Variants in RASGRP3 observed in about 807,000 individuals in gnomAD.
The protein encoded by RASGRP3 is RAS guanyl releasing protein 3, also known as ras guanyl-releasing protein 3.
Under a neutral mutation model 82.7 loss-of-function variants are expected in RASGRP3, and 54 were observed. That is an observed-to-expected ratio of 0.65 (90% CI 0.52 to 0.82). The LOEUF (loss-of-function observed/expected upper bound fraction) is 0.82. Among genes scored for constraint, RASGRP3 ranks in the 40% least tolerant of loss-of-function variants. RASGRP3 has a pLI of 0.00. For synonymous variants in RASGRP3, 309 were observed against 300.5 expected (o/e 1.03, Z -0.29); for missense variants, 861 against 828.9 (o/e 1.04, Z -0.48).
At chr2:33,440,179 A>G (rs1665149847) in intron 1 of RASGRP3, among the ~76,000 whole-genome samples, 1 of 152,176 alleles carries the variant, frequency 6.6e-6, no homozygotes, top group Non-Finnish European at 1.5e-5. Context: ...TAGTAAGCGA[A>G]CAGCTGAGAA....
At chr2:33,547,619 T>C (rs1266689914) in intron 13 of RASGRP3, among the ~76,000 whole-genome samples, 2 of 151,984 alleles carry the variant, frequency 1.3e-5, no homozygotes, top group African/African-American at 2.4e-5. Context: ...AAAGATGCAG[T>C]GCAAAAATTC....
chr2:33,498,291 A>G (rs1046658602), intron 1 of RASGRP3, among the ~76,000 whole-genome samples: 2 of 152,230 alleles, frequency 1.3e-5, no homozygotes, highest in Non-Finnish European at 2.9e-5. Flanking sequence ...TCTATCATAC[A>G]GTTAAAGATA....
chr2:33,510,585 A>G (rs959921011), intron 1 of RASGRP3, among the ~76,000 whole-genome samples: 2 of 152,146 alleles, frequency 1.3e-5, no homozygotes, highest in Admixed American at 6.5e-5. Flanking sequence ...GCTTCTACAA[A>G]TTGGTCCTCT....
intron 1 of RASGRP3, 51 bp downstream of exon 1, chr2:33,476,758 C>CGTGTGTGTGCGTGT: frequency 7.1e-6 from 1 of 140,258 alleles, no homozygotes; most frequent in African/African-American, 2.8e-5. Flanking sequence ...ATTCCCTCTC[C>CGTGTGTGTGCGTGT]GTGTGTGTGT....
intron 1 of RASGRP3, among the ~76,000 whole-genome samples, chr2:33,494,682 C>A (rs534330664): frequency 1.3e-5 from 2 of 152,184 alleles, no homozygotes; most frequent in Admixed American, 6.5e-5. Flanking sequence ...CTCAGGTAGC[C>A]CAACGTACAT....
chr2:33,470,464 C>T (rs537388900), intron 2 of RASGRP3, among the ~76,000 whole-genome samples: 4 of 151,588 alleles, frequency 2.6e-5, no homozygotes, highest in Non-Finnish European at 4.4e-5. Context: ...ACTGCAAGCT[C>T]CGCCTGACGG....
intron 16 of RASGRP3, 147 bp from the exon 17 acceptor site, chr2:33,558,525 T>C: frequency 1.8e-6 from 2 of 1,122,148 alleles, no homozygotes; most frequent in East Asian, 2.6e-5. Context: ...CTCAGGAATA[T>C]GTAACTTGCC....
chr2:33,553,761 T>C (rs1185870750), intron 14 of RASGRP3, among the ~76,000 whole-genome samples: 1 of 152,138 alleles, frequency 6.6e-6, no homozygotes, highest in East Asian at 1.9e-4. Flanking sequence ...TTATTATTTT[T>C]TCTTTGAGAT....
In RASGRP3 at chr2:33,438,416, G is replaced by A. The variant is rs1204987515; in HGVS notation, c.-385+1825G>A. On this transcript the variant is annotated intron_variant, in intron 1 of 18. Transcript: ENST00000402538. Reference sequence around the variant, plus strand: ...CGTCTCTACTAAATATACAAAATTAGCTGGGCGTGGTGGCACATGCCTGTA... The same window carrying A: ...CGTCTCTACTAAATATACAAAATTAACTGGGCGTGGTGGCACATGCCTGTA... Among the ~76,000 whole-genome samples the A allele has an allele frequency of 3.3e-5, 5 of 152,238 alleles. No individual in the cohort carries two copies. In the East Asian group the frequency reaches 5.8e-4, roughly 18 times the overall value.
intron 1 of RASGRP3, among the ~76,000 whole-genome samples, chr2:33,505,135 C>CCATCATCAT (rs762191069): frequency 6.7e-6 from 1 of 148,548 alleles, no homozygotes; most frequent in Non-Finnish European, 1.5e-5. Context: ...CATATCATCA[C>CCATCATCAT]CATCATCATC....
chr2:33,562,671 C>A, intron 17 of RASGRP3, 58 bp from the exon 18 acceptor site: 1 of 1,584,078 alleles, frequency 6.3e-7, no homozygotes, highest in Non-Finnish European at 8.7e-7. Context: ...TTTCTAGGAA[C>A]ACTCTTATTT....
chr2:33,563,434 C>G lies in RASGRP3; in HGVS notation c.*697C>G, dbSNP rs1005361108. The stretch of plus-strand genomic sequence containing the variant: ...CACAAGTCTTACCAATTCTGCGTCA[C>G]TAGGAAGCTATAGCATGGTCGTGAA... On this transcript the variant is annotated 3_prime_UTR_variant, in exon 18 of 18. Transcript: ENST00000403687. 3 of 152,200 alleles carry G rather than the reference C, an allele frequency of 2.0e-5. No individual in the cohort carries two copies. The highest frequency in any genetic ancestry group is 6.5e-5 in the Admixed American group (1 of 15,288). The allele number at this position is 152,200 out of a possible 1,614,324, so 9.4% of individuals were successfully genotyped here. A position where few individuals can be genotyped will look rare whatever the true frequency, so the allele number is the denominator to read the frequency against.
rs150049943 is a variant in RASGRP3 at position 33,523,450 on chromosome 2, C to T, written c.517-429C>T. ...ACTGCACTCCAGCCTGGCAATAGAG[C>T]GACAGTCGGTTAAAAAAAAAAAAAA... is the stretch of plus-strand genomic sequence containing the variant. On this transcript the variant is annotated intron_variant, in intron 7 of 17. Transcript: ENST00000403687. Among the ~76,000 whole-genome samples the T allele has an allele frequency of 9.1e-3, 1,217 of 134,354 alleles. 17 individuals carry two copies. Among genetic ancestry groups the T allele is most frequent in the African/African-American group, 0.033 (1,148 of 34,480 alleles). 88.1% of individuals were successfully genotyped at this position (134,354 alleles called of 152,430 possible).
Position 33,557,711 on chromosome 2 carries a change from A to G in RASGRP3, c.1580-500A>G, listed in dbSNP as rs558913690. Among the ~76,000 whole-genome samples, 30 of 115,584 alleles carry G rather than the reference A, an allele frequency of 2.6e-4. No homozygotes were observed. The East Asian group carries it at 5.9e-3, about 23-fold the overall frequency. 75.8% of individuals were successfully genotyped at this position (115,584 alleles called of 152,430 possible). ...GGCAATAGAGCGAGACTCCATCTCG[A>G]AAAAAAAAAAAAAAATCCAGACAAG... On this transcript the variant is annotated intron_variant, in intron 15 of 17. Transcript: ENST00000403687.
intron 17 of RASGRP3, among the ~76,000 whole-genome samples, chr2:33,560,470 G>A (rs1194028746): frequency 2.6e-5 from 4 of 152,238 alleles, no homozygotes; most frequent in African/African-American, 7.2e-5. Context: ...GGGTGTTCAT[G>A]ACAGTACTTT....
chr2:33,462,229 A>C (rs939070738), intron 2 of RASGRP3, among the ~76,000 whole-genome samples: 16 of 152,146 alleles, frequency 1.1e-4, no homozygotes, highest in African/African-American at 3.4e-4. Flanking sequence ...GTGAGCTGCC[A>C]TGTGAACCCA....
At chr2:33,466,868 G>C (rs575468307) in intron 2 of RASGRP3, among the ~76,000 whole-genome samples, 57 of 152,132 alleles carry the variant, frequency 3.7e-4, no homozygotes, top group Middle Eastern at 3.4e-3. Flanking sequence ...AGTCATTCTG[G>C]GGAGGTAAAT....
intron 14 of RASGRP3, among the ~76,000 whole-genome samples, chr2:33,550,708 G>C (rs1427902530): frequency 6.6e-6 from 1 of 152,154 alleles, no homozygotes; most frequent in African/African-American, 2.4e-5. Flanking sequence ...ATGTCCTCCT[G>C]TTGACTCGTT....
At chr2:33,464,110 A>AATAATAATAATTATTATT (rs1398514920) in intron 2 of RASGRP3, among the ~76,000 whole-genome samples, 24 of 144,260 alleles carry the variant, frequency 1.7e-4, no homozygotes, top group African/African-American at 6.0e-4. Context: ...TAATAATAAT[A>AATAATAATAATTATTATT]ATTATTATTA....
Sources: allele counts gnomAD v4.1 joint callset (sites outside exome capture counted in the v4.1 genomes callset), GRCh38; gene constraint gnomAD v4.1.1; transcripts MANE v1.5; gene names NCBI Gene and HGNC (gene_info 2026-07-23, HGNC 2026-07-21).